TAF1A: variants seen among roughly 807,000 people sequenced by gnomAD.
TAF1A encodes the protein TATA box-binding protein-associated factor RNA polymerase I subunit A.
In TAF1A, 42 loss-of-function variants were observed where a neutral mutation model predicts 61.6. The ratio of observed to expected loss-of-function variants is 0.68; its 90% CI spans 0.53 to 0.88. The LOEUF (loss-of-function observed/expected upper bound fraction) is 0.88. TAF1A is among the 40% of genes least tolerant of loss of function. The probability of loss-of-function intolerance (pLI) is 0.00; values close to 1 mark genes in which losing one functional copy is unlikely to be tolerated. For missense variants in TAF1A, 424 were observed against 518.7 expected, an observed-to-expected ratio of 0.82 and a Z score of 1.77; for synonymous variants, 179 against 177.7, an observed-to-expected ratio of 1.01 and a Z score of -0.06.
At chr1:222,570,128 CT>C (rs1403209815) in intron 6 of TAF1A, among the ~76,000 whole-genome samples, 2 of 152,144 alleles carry the variant, frequency 1.3e-5, no homozygotes, top group Non-Finnish European at 2.9e-5. Context: ...GCCCTCAGTC[CT>C]TTTACAATGA....
rs111247634 is a variant in TAF1A, at chr1:222,573,654, G to A, written c.605-2989C>T. Among the ~76,000 whole-genome samples, 855 of 152,278 alleles carry A rather than the reference G, an allele frequency of 5.6e-3. 4 individuals carry two copies. Among genetic ancestry groups the A allele is most frequent in the Middle Eastern group, 0.01 (3 of 294 alleles). On this transcript the variant is annotated intron_variant, in intron 5 of 10. Transcript: ENST00000352967. ...TGTACCCTCATACACCGCTACTGGGGATGTAAAATAGTGCAATTGCTTTGG... is the reference window on the plus strand; with the variant it reads ...TGTACCCTCATACACCGCTACTGGGAATGTAAAATAGTGCAATTGCTTTGG...
At chr1:222,578,924 T>C (rs1267474892) in intron 4 of TAF1A, among the ~76,000 whole-genome samples, 1 of 152,078 alleles carries the variant, frequency 6.6e-6, no homozygotes. Flanking sequence ...CCTTTCAGTT[T>C]CTTTACTTCA....
chr1:222,563,005 T>G (rs1162840895), intron 9 of TAF1A, among the ~76,000 whole-genome samples, 168 bp downstream of exon 9: 1 of 152,216 alleles, frequency 6.6e-6, no homozygotes, highest in Non-Finnish European at 1.5e-5. Context: ...GTTCTCCTTA[T>G]GACTCTGTAT....
intron 2 of TAF1A, among the ~76,000 whole-genome samples, chr1:222,585,808 C>A (rs139422557): frequency 6.7e-6 from 1 of 149,274 alleles, no homozygotes; most frequent in African/African-American, 2.5e-5. Flanking sequence ...AAAGCTTGTT[C>A]ATAATTTTTT....
At position 222,561,416 on chromosome 1, in the gene TAF1A, A is replaced by G. The variant is rs373870093; in HGVS notation, c.1188T>C (p.Asp396=). 213 of 1,612,728 alleles carry G rather than the reference A, an allele frequency of 1.3e-4. No individual in the cohort carries two copies. The highest frequency in any genetic ancestry group is 1.7e-4 in the Non-Finnish European group (204 of 1,179,422). The change falls in exon 10 of 11, where the codon GAT becomes GAC. Residue 396 remains aspartate, a synonymous_variant. Transcript: ENST00000352967. ...YFWAKSDWKE[D]TALACEKAFV... ...AAGCTTTCTCACAGGCCAAAGCTGT[A>G]TCTTCCTTCCAATCACTTTTTGCCC...
At chr1:222,557,037 T>C (rs1659736968), downstream of TAF1A, among the ~76,000 whole-genome samples, 1 of 152,246 alleles carries the variant, frequency 6.6e-6, no homozygotes, top group Non-Finnish European at 1.5e-5. Context: ...GATAGACCTT[T>C]CTTACTAAGT....
At chr1:222,577,691 A>G (rs1266673562) in intron 4 of TAF1A, 48 bp from the exon 5 acceptor site, 1 of 1,544,190 alleles carries the variant, frequency 6.5e-7, no homozygotes, top group South Asian at 1.1e-5. Context: ...TTAGATAACC[A>G]TTAGTCAAAA....
chr1:222,565,934 T>G (rs945263913), intron 7 of TAF1A, among the ~76,000 whole-genome samples: 6 of 152,206 alleles, frequency 3.9e-5, no homozygotes, highest in African/African-American at 1.4e-4. Flanking sequence ...AAACTTAGTT[T>G]CCACATCTGA....
intron 3 of TAF1A, among the ~76,000 whole-genome samples, chr1:222,583,694 C>T (rs577075829): frequency 2.0e-4 from 30 of 151,878 alleles, no homozygotes; most frequent in East Asian, 1.6e-3. Flanking sequence ...AAAAATTAGC[C>T]GGGCGTGGTG....
At chr1:222,565,090 T>C (rs1037091670) in intron 7 of TAF1A, among the ~76,000 whole-genome samples, 4 of 152,184 alleles carry the variant, frequency 2.6e-5, no homozygotes, top group East Asian at 1.9e-4. Flanking sequence ...GATCAAATAA[T>C]AGCACATCAC....
intron 5 of TAF1A, 93 bp downstream of exon 5, chr1:222,577,352 G>A: frequency 1.0e-6 from 1 of 978,240 alleles, no homozygotes; most frequent in Non-Finnish European, 1.5e-6. Flanking sequence ...ATAATATCTG[G>A]ATGAAGTCAA....
intron 3 of TAF1A, among the ~76,000 whole-genome samples, chr1:222,582,845 G>C (rs1453444746): frequency 6.6e-6 from 1 of 152,100 alleles, no homozygotes; most frequent in Non-Finnish European, 1.5e-5. Context: ...ATTTACAAAA[G>C]GCCACATATT....
At chr1:222,565,472 A>G (rs1443705999) in intron 7 of TAF1A, among the ~76,000 whole-genome samples, 1 of 152,232 alleles carries the variant, frequency 6.6e-6, no homozygotes, top group Non-Finnish European at 1.5e-5. Context: ...TAAATATGAG[A>G]TAAGTATTCA....
intron 6 of TAF1A, 133 bp downstream of exon 6, chr1:222,570,402 A>G: frequency 1.1e-6 from 1 of 904,384 alleles, no homozygotes; most frequent in East Asian, 2.7e-5. Context: ...CAAAAAAGAG[A>G]CACCGTATTT....
chr1:222,561,334 G>A, intron 10 of TAF1A, 30 bp downstream of exon 10: 1 of 1,587,210 alleles, frequency 6.3e-7, no homozygotes, highest in Non-Finnish European at 8.5e-7. Context: ...CCAAAGCTGT[G>A]TCTAGATAAA....
chr1:222,570,880 A>T (rs1486842488), intron 5 of TAF1A, among the ~76,000 whole-genome samples: 2 of 152,228 alleles, frequency 1.3e-5, no homozygotes, highest in Non-Finnish European at 2.9e-5. Context: ...AGCCAGTATT[A>T]CCATGATACC....
At chr1:222,559,840 G>C (rs1411360382) in intron 10 of TAF1A, among the ~76,000 whole-genome samples, 1 of 152,060 alleles carries the variant, frequency 6.6e-6, no homozygotes, top group Non-Finnish European at 1.5e-5. Flanking sequence ...TAGCTGGGAA[G>C]CAGTGGTGTC....
chr1:222,584,298 C>T lies in TAF1A; in HGVS notation c.122-1G>A. ...TCCTTCCTCCTTTTCCCTCCAATGG[C>T]TATAAAAACGAAAAAGAAGAGAGTT... On this transcript the variant is annotated splice_acceptor_variant, in intron 2 of 10. Transcript: ENST00000352967. LOFTEE classifies it high-confidence loss of function. 6.4e-7 allele frequency: 1 copy of T among 1,574,230 alleles called. No individual in the cohort carries two copies. The highest frequency in any genetic ancestry group is 8.6e-7 in the Non-Finnish European group (1 of 1,166,872).
intron 7 of TAF1A, among the ~76,000 whole-genome samples, chr1:222,568,615 A>G (rs1391108369): frequency 6.6e-6 from 1 of 152,162 alleles, no homozygotes; most frequent in Admixed American, 6.6e-5. Flanking sequence ...GTGTTGGCAC[A>G]GATGTGGAGA....
Sources: allele counts gnomAD v4.1 joint callset (sites outside exome capture counted in the v4.1 genomes callset), GRCh38; gene constraint gnomAD v4.1.1; transcripts MANE v1.5; gene names NCBI Gene and HGNC (gene_info 2026-07-23, HGNC 2026-07-21).